C7orf78: variants seen among roughly 807,000 people sequenced by gnomAD.
The protein encoded by C7orf78 is putative uncharacterized protein C7orf78.
the C7orf78 span, among the ~76,000 whole-genome samples, chr7:12,521,904 T>C: frequency 1.3e-5 from 2 of 151,972 alleles, no homozygotes; most frequent in African/African-American, 4.8e-5. Flanking sequence ...GAAGCTATGC[T>C]CCTTTTACAT....
chr7:12,522,183 A>G, the C7orf78 span, among the ~76,000 whole-genome samples: 1 of 152,198 alleles, frequency 6.6e-6, no homozygotes, highest in South Asian at 2.1e-4. Context: ...AAGAGAAGGA[A>G]ATTCATCCTC....
chr7:12,541,860 G>T, the C7orf78 span: 2 of 152,098 alleles, frequency 1.3e-5, no homozygotes, highest in Non-Finnish European at 2.9e-5. Context: ...TATATCAAAA[G>T]AGAGAAGATC....
the C7orf78 span, among the ~76,000 whole-genome samples, chr7:12,509,298 C>T: frequency 6.6e-6 from 1 of 152,170 alleles, no homozygotes; most frequent in Non-Finnish European, 1.5e-5. Flanking sequence ...TTGCTTTTCT[C>T]TACAGATTAG....
the C7orf78 span, chr7:12,507,506 G>C: frequency 5.0e-6 from 1 of 200,176 alleles, no homozygotes; most frequent in African/African-American, 2.3e-5. Flanking sequence ...CTGGAATGTA[G>C]AGAGCACTTG....
chr7:12,506,882 A>T, the C7orf78 span: 8 of 472,128 alleles, frequency 1.7e-5, no homozygotes, highest in Non-Finnish European at 3.5e-5. Context: ...GTGTTGTATA[A>T]CAAGTTTAAG....
the C7orf78 span, among the ~76,000 whole-genome samples, chr7:12,495,915 G>A: frequency 2.0e-5 from 3 of 151,758 alleles, no homozygotes; most frequent in African/African-American, 7.2e-5. Context: ...GTGGAGCTGA[G>A]AAACTCAAAA....
chr7:12,496,074 C>G, the C7orf78 span, among the ~76,000 whole-genome samples: 1 of 152,058 alleles, frequency 6.6e-6, no homozygotes, highest in Non-Finnish European at 1.5e-5. Context: ...TACAGGTGCC[C>G]GCCACCACAC....
chr7:12,507,435 TGAGA>T, the C7orf78 span: 26 of 195,568 alleles, frequency 1.3e-4, 1 homozygote, highest in Middle Eastern at 0.014. Context: ...CATCCAGTGA[TGAGA>T]GAGAGAGACG....
At chr7:12,505,412 A>G in the C7orf78 span, among the ~76,000 whole-genome samples, 1 of 152,142 alleles carries the variant, frequency 6.6e-6, no homozygotes, top group South Asian at 2.1e-4. Flanking sequence ...TAAATTATCC[A>G]GGTACAAGTT....
At chr7:12,492,927 G>T in the C7orf78 span, among the ~76,000 whole-genome samples, 1 of 152,214 alleles carries the variant, frequency 6.6e-6, no homozygotes, top group African/African-American at 2.4e-5. Context: ...ATCCACACTG[G>T]TGCGGTGGCT....
At chr7:12,503,945 G>GA in the C7orf78 span, among the ~76,000 whole-genome samples, 2 of 151,606 alleles carry the variant, frequency 1.3e-5, no homozygotes, top group South Asian at 4.1e-4. Flanking sequence ...CTGTGTTTCT[G>GA]AAAAAAAGAA....
the C7orf78 span, among the ~76,000 whole-genome samples, chr7:12,535,590 T>C: frequency 6.6e-6 from 1 of 152,136 alleles, no homozygotes; most frequent in Non-Finnish European, 1.5e-5. Context: ...CAATCATGTC[T>C]TCCCAACAGT....
At chr7:12,514,782 C>T in the C7orf78 span, among the ~76,000 whole-genome samples, 1 of 151,566 alleles carries the variant, frequency 6.6e-6, no homozygotes, top group South Asian at 2.1e-4. Flanking sequence ...AAGTTTAGGA[C>T]TCCCTTGAGC....
the C7orf78 span, among the ~76,000 whole-genome samples, chr7:12,493,312 A>G: frequency 6.6e-6 from 1 of 152,228 alleles, no homozygotes; most frequent in Non-Finnish European, 1.5e-5. Flanking sequence ...TGGGATGAGG[A>G]AAAAAACTAA....
the C7orf78 span, among the ~76,000 whole-genome samples, chr7:12,512,960 T>C: frequency 6.6e-6 from 1 of 152,120 alleles, no homozygotes; most frequent in African/African-American, 2.4e-5. Context: ...TATATGCATA[T>C]AGTTGTTAAT....
chr7:12,532,013 A>G, the C7orf78 span, among the ~76,000 whole-genome samples: 1 of 152,118 alleles, frequency 6.6e-6, no homozygotes, highest in African/African-American at 2.4e-5. Context: ...ACCCCACCCT[A>G]ATCTTATTAT....
the C7orf78 span, among the ~76,000 whole-genome samples, chr7:12,492,210 AC>A: frequency 2.0e-5 from 3 of 152,196 alleles, no homozygotes; most frequent in Admixed American, 6.5e-5. Context: ...CGATGGTAAT[AC>A]ATTTAAGTAA....
the C7orf78 span, among the ~76,000 whole-genome samples, chr7:12,540,474 C>T: frequency 6.6e-6 from 1 of 152,092 alleles, no homozygotes; most frequent in Admixed American, 6.5e-5. Flanking sequence ...CAATTGTCTT[C>T]AGACTATGCA....
At chr7:12,518,427 A>T in the C7orf78 span, among the ~76,000 whole-genome samples, 3 of 152,136 alleles carry the variant, frequency 2.0e-5, no homozygotes, top group Admixed American at 6.5e-5. Flanking sequence ...TGCAGACAGC[A>T]TGGTGTGGGC....
Sources: gnomAD v4.1 joint callset for allele counts (sites outside exome capture counted in the v4.1 genomes callset) on GRCh38, gnomAD v4.1.1 for gene constraint, MANE v1.5 for transcripts, NCBI Gene and HGNC (gene_info 2026-07-23, HGNC 2026-07-21) for gene names.